The following SFMBT2 variants were observed in gnomAD, a reference collection of about 807,000 sequenced individuals.
The protein encoded by SFMBT2 is scm-like with four MBT domains protein 2.
SFMBT2 carries 38 observed loss-of-function variants against 110.1 expected under a neutral mutation model. The ratio of observed to expected loss-of-function variants is 0.35; its 90% CI spans 0.27 to 0.45. The LOEUF (loss-of-function observed/expected upper bound fraction) is 0.45. Among genes scored for constraint, SFMBT2 ranks in the 20% least tolerant of loss-of-function variants. SFMBT2 has a pLI of 1.00. For synonymous variants in SFMBT2, 425 were observed against 425.4 expected (o/e 1.00, Z 0.01); for missense variants, 1,011 against 1,094.9 (o/e 0.92, Z 1.08).
chr10:7,272,553 T>A (rs770983276), intron 7 of SFMBT2, among the ~76,000 whole-genome samples: 2 of 152,108 alleles, frequency 1.3e-5, no homozygotes, highest in Non-Finnish European at 2.9e-5. Context: ...GCCTCCCTGA[T>A]CCCTGTCTCA....
In SFMBT2 at chr10:7,301,470, G is replaced by A. The variant is rs1476581337; in HGVS notation, c.437-15516C>T. ...GACTAGAACAAAGTCCAGGCACGGA[G>A]GCCCACAGGCCTGAAGGGGCCTGGG... On this transcript the variant is annotated intron_variant, in intron 4 of 20. Coordinates refer to ENST00000397167, the MANE Select transcript of SFMBT2 (RefSeq NM_001387889.1). This position sits in a 1 kb window ranked among gnomAD's most constrained non-coding sequence, Gnocchi z 4.2. Among the ~76,000 whole-genome samples the A allele has an allele frequency of 1.3e-5, 2 of 152,228 alleles. No homozygotes were observed. The highest frequency in any genetic ancestry group is 2.4e-5 in the African/African-American group (1 of 41,452).
chr10:7,355,616 G>T (rs1844480667), intron 4 of SFMBT2, among the ~76,000 whole-genome samples: 1 of 152,186 alleles, frequency 6.6e-6, no homozygotes, highest in African/African-American at 2.4e-5. Context: ...TTCAAGACCA[G>T]CCTGGCTAAG....
chr10:7,171,980 C>T lies in SFMBT2; in HGVS notation c.2330G>A (p.Arg777Lys). 2 of 1,536,378 alleles carry T rather than the reference C, an allele frequency of 1.3e-6. No individual in the cohort carries two copies. Among genetic ancestry groups the T allele is most frequent in the East Asian group, 2.4e-5 (1 of 41,234 alleles). Residue 777 changes from arginine to lysine, a missense_variant, in exon 19 of 21, where the codon AGG (arginine) becomes AAG (lysine). By Grantham distance (26) the Arg-to-Lys change is conservative. This residue lies in a region of SFMBT2 where 979 missense variants were observed against 1,016.1 expected (regional missense o/e 0.96). Transcript: ENST00000397167. The surrounding 1 kb of genome is among the most constrained non-coding windows in gnomAD (Gnocchi z 4.9). ...CGGCGCCCCGCGGCCCCTTCGTGTC[C>T]TCTCTGGGGGTGGCCGGCGCACGGG... ...SEPVRRPPPE[R>K]TRRGRGAPAA...
chr10:7,318,024 G>C (rs868587421), intron 4 of SFMBT2, among the ~76,000 whole-genome samples: 20 of 152,222 alleles, frequency 1.3e-4, no homozygotes, highest in Middle Eastern at 3.2e-3. Flanking sequence ...TCTTAAGGAA[G>C]AAATGATTTT....
chr10:7,258,341 G>A (rs539504284), intron 7 of SFMBT2, among the ~76,000 whole-genome samples: 4 of 152,134 alleles, frequency 2.6e-5, no homozygotes, highest in East Asian at 1.9e-4. Context: ...TCTTCCTTTC[G>A]GCTTATTTGG....
At chr10:7,215,486 A>C (rs560723719) in intron 11 of SFMBT2, 72 of 866,488 alleles carry the variant, frequency 8.3e-5, no homozygotes, top group Non-Finnish European at 9.8e-5. Context: ...AGATTAATTA[A>C]TGTTGCAATC....
rs1452674334 is a variant in SFMBT2, at chr10:7,244,114, TC to T, written c.973-410del. 5 of 588,516 alleles carry T rather than the reference TC, an allele frequency of 8.5e-6. No homozygotes were observed. The African/African-American group carries it at 1.0e-4, about 12-fold the overall frequency. The allele number at this position is 588,516 out of a possible 1,614,324, so 36.5% of individuals were successfully genotyped here. On this transcript the variant is annotated intron_variant, in intron 8 of 20. Transcript: ENST00000397167. ...CCAGCACCAAACTCTTTACACCAGA[TC>T]ACTCAAGAATCTCCAAGATCTGGCT...
intron 1 of SFMBT2, among the ~76,000 whole-genome samples, chr10:7,410,064 C>T (rs1846331058): frequency 1.3e-5 from 2 of 152,172 alleles, no homozygotes; most frequent in African/African-American, 4.8e-5. Flanking sequence ...TACACATACC[C>T]ACGCACGCAT....
chr10:7,354,496 C>T (rs77302559), intron 4 of SFMBT2, among the ~76,000 whole-genome samples: 9,356 of 151,944 alleles, frequency 0.062, 957 homozygotes, highest in African/African-American at 0.21. Flanking sequence ...GGAGAGAAGA[C>T]GGGACAGGTG....
chr10:7,261,900 C>T (rs959971744), intron 7 of SFMBT2, among the ~76,000 whole-genome samples: 2 of 152,188 alleles, frequency 1.3e-5, no homozygotes, highest in African/African-American at 4.8e-5. Context: ...GGCGGAAGGA[C>T]GGAAGAGAGA....
In SFMBT2 at chr10:7,272,321, A is replaced by T. The variant is rs537671269; in HGVS notation, c.870+4571T>A. Among the ~76,000 whole-genome samples the T allele has an allele frequency of 2.4e-4, 36 of 152,304 alleles. No homozygotes were observed. The South Asian group carries it at 5.4e-3, about 23-fold the overall frequency. On this transcript the variant is annotated intron_variant, in intron 7 of 20. Coordinates refer to ENST00000397167, the MANE Select transcript of SFMBT2 (RefSeq NM_001387889.1). ...AGCACACAAAGGTAAGGAGGCAAAA[A>T]AGCTGATGAAGAAGAAGTGAGTAAT...
chr10:7,328,389 T>C (rs1843461339), intron 4 of SFMBT2, among the ~76,000 whole-genome samples: 1 of 152,252 alleles, frequency 6.6e-6, no homozygotes, highest in Non-Finnish European at 1.5e-5. Flanking sequence ...GGTATGTGAT[T>C]TGAAAATATT....
In SFMBT2 at chr10:7,386,306, G is replaced by A. The variant is rs10795543; in HGVS notation, c.-51-4357C>T. ...GAAGAGACAGAAGCTTATTATGGTG[G>A]GGAAAAAATTAAAATTCTGCGTATG... is the stretch of plus-strand genomic sequence containing the variant. On this transcript the variant is annotated intron_variant, in intron 1 of 20. Transcript: ENST00000397167. Among the ~76,000 whole-genome samples the A allele has an allele frequency of 1.3e-5, 2 of 151,958 alleles. 1 individual carries two copies. The highest frequency in any genetic ancestry group is 4.2e-4 in the South Asian group (2 of 4,816).
chr10:7,213,352 G>A (rs1839416792), intron 11 of SFMBT2, among the ~76,000 whole-genome samples: 1 of 152,228 alleles, frequency 6.6e-6, no homozygotes, highest in Non-Finnish European at 1.5e-5. Context: ...AGAGGGCAGA[G>A]ACAGCAGGTA....
At chr10:7,198,172 ATTGT>A in intron 14 of SFMBT2, 6 of 984,222 alleles carry the variant, frequency 6.1e-6, no homozygotes, top group Non-Finnish European at 7.2e-6. Context: ...CCTGCAAGAT[ATTGT>A]TTGTTTGCTT....
intron 4 of SFMBT2, among the ~76,000 whole-genome samples, chr10:7,323,074 T>C (rs1843246493): frequency 6.6e-6 from 1 of 152,210 alleles, no homozygotes; most frequent in South Asian, 2.1e-4. Flanking sequence ...TGAAAAATTA[T>C]TTATATTGAT....
chr10:7,336,769 T>C (rs1254302877), intron 4 of SFMBT2, among the ~76,000 whole-genome samples: 1 of 152,060 alleles, frequency 6.6e-6, no homozygotes. Flanking sequence ...AACAAATTTA[T>C]GAGAAGGTTA....
At chr10:7,164,891 G>A (rs948779141) in intron 20 of SFMBT2, among the ~76,000 whole-genome samples, 1 of 152,048 alleles carries the variant, frequency 6.6e-6, no homozygotes, top group African/African-American at 2.4e-5. Context: ...TACACACAGG[G>A]CATGAAGACA....
intron 11 of SFMBT2, among the ~76,000 whole-genome samples, chr10:7,214,068 G>T (rs1038056145): frequency 2.0e-5 from 3 of 152,178 alleles, no homozygotes; most frequent in Non-Finnish European, 4.4e-5. Context: ...GGAGCAACCA[G>T]GAAAGGAGTG....
Sources: allele counts gnomAD v4.1 joint callset (sites outside exome capture counted in the v4.1 genomes callset), GRCh38; gene constraint gnomAD v4.1.1; regional missense constraint gnomAD v4.1.1; non-coding constraint Gnocchi (gnomAD v3.1); transcripts MANE v1.5; gene names NCBI Gene and HGNC (gene_info 2026-07-23, HGNC 2026-07-21).